FYN: variants seen among roughly 807,000 people sequenced by gnomAD.
FYN encodes the protein FYN proto-oncogene, Src family tyrosine kinase, also known as tyrosine-protein kinase Fyn.
Under a neutral mutation model 70.2 loss-of-function variants are expected in FYN, and 10 were observed. That is an observed-to-expected ratio of 0.14 (90% CI 0.09 to 0.24). The LOEUF (loss-of-function observed/expected upper bound fraction) is 0.24, where lower values mean the gene tolerates loss of function less well. Among genes scored for constraint, FYN ranks in the 10% least tolerant of loss-of-function variants. The pLI, the probability that FYN is intolerant of heterozygous loss-of-function variation, is 1.00. For missense variants in FYN, 319 were observed against 673.1 expected (o/e 0.47, Z 5.82); for synonymous variants, 236 against 248.6 (o/e 0.95, Z 0.48).
chr6:111,704,963 G>A (rs1291181446), intron 6 of FYN, among the ~76,000 whole-genome samples: 1 of 152,126 alleles, frequency 6.6e-6, no homozygotes, highest in Non-Finnish European at 1.5e-5. Context: ...TCAGGAGGCT[G>A]AGGCAGGAGA....
chr6:111,837,232 C>T (rs367782680), intron 2 of FYN, among the ~76,000 whole-genome samples: 33 of 152,130 alleles, frequency 2.2e-4, no homozygotes, highest in African/African-American at 4.3e-4. Context: ...TTGCGGTAAG[C>T]GGCACTTTGA....
chr6:111,762,889 G>A (rs1014750054), intron 3 of FYN, among the ~76,000 whole-genome samples: 2 of 151,954 alleles, frequency 1.3e-5, no homozygotes, highest in South Asian at 2.1e-4. Flanking sequence ...GGCTGGACAC[G>A]GGTGAGAATC....
At chr6:111,776,346 T>C (rs1268248065) in intron 3 of FYN, among the ~76,000 whole-genome samples, 1 of 152,142 alleles carries the variant, frequency 6.6e-6, no homozygotes, top group Non-Finnish European at 1.5e-5. Context: ...TAAAAATATC[T>C]AGTGCCAACA....
intron 2 of FYN, among the ~76,000 whole-genome samples, chr6:111,827,418 C>T (rs1772870145): frequency 6.6e-6 from 1 of 152,156 alleles, no homozygotes. Context: ...TCCCAGTTTA[C>T]TTTCTTCTAG....
chr6:111,775,051 C>T (rs1803653079), intron 3 of FYN, among the ~76,000 whole-genome samples: 1 of 152,146 alleles, frequency 6.6e-6, no homozygotes, highest in African/African-American at 2.4e-5. Flanking sequence ...GCTATGCCTA[C>T]GATACCCTAA....
chr6:111,699,779 T>C (rs1799746437), intron 9 of FYN: 1 of 1,085,936 alleles, frequency 9.2e-7, no homozygotes, highest in Non-Finnish European at 1.3e-6. Flanking sequence ...ACTCAACAAA[T>C]ATTTGCTTTT....
intron 2 of FYN, among the ~76,000 whole-genome samples, chr6:111,837,071 C>T (rs540800372): frequency 6.6e-6 from 1 of 152,270 alleles, no homozygotes; most frequent in Non-Finnish European, 1.5e-5. Context: ...AAAAACACTC[C>T]TGACACTTTA....
chr6:111,690,054 T>C (rs566012870), intron 12 of FYN, among the ~76,000 whole-genome samples: 2 of 152,316 alleles, frequency 1.3e-5, no homozygotes, highest in Non-Finnish European at 2.9e-5. Context: ...AACTAGAGTC[T>C]GCAGAGGATT....
intron 10 of FYN, among the ~76,000 whole-genome samples, 180 bp downstream of exon 10, chr6:111,696,097 C>T (rs544835129): frequency 1.4e-4 from 22 of 152,252 alleles, no homozygotes; most frequent in Admixed American, 3.3e-4. Context: ...GTGGGGTAAA[C>T]GCAAGGTTAG....
intron 3 of FYN, among the ~76,000 whole-genome samples, chr6:111,739,467 G>A (rs1053674403): frequency 5.9e-5 from 9 of 152,262 alleles, no homozygotes; most frequent in Admixed American, 5.9e-4. Flanking sequence ...TGGGGATGCT[G>A]TGGTCCCACT....
intron 13 of FYN, among the ~76,000 whole-genome samples, chr6:111,669,291 C>A (rs953035375): frequency 6.6e-6 from 1 of 151,800 alleles, no homozygotes; most frequent in Admixed American, 6.6e-5. Flanking sequence ...AAAAATTAGC[C>A]GGGCGTGGTG....
At chr6:111,708,322 T>C in intron 5 of FYN, 2 of 317,928 alleles carry the variant, frequency 6.3e-6, no homozygotes, top group Non-Finnish European at 1.2e-5. Context: ...TGTCCTTAAC[T>C]TGGATGGATG....
At chr6:111,812,800 GTCAC>G (rs1039187594) in intron 2 of FYN, among the ~76,000 whole-genome samples, 1 of 151,676 alleles carries the variant, frequency 6.6e-6, no homozygotes, top group Non-Finnish European at 1.5e-5. Flanking sequence ...AAAGGGGTGT[GTCAC>G]TCACCTTCCT....
intron 1 of FYN, among the ~76,000 whole-genome samples, chr6:111,860,643 C>T (rs1159372522): frequency 6.6e-6 from 1 of 152,180 alleles, no homozygotes; most frequent in African/African-American, 2.4e-5. Context: ...GTGCCAATCC[C>T]TCTTGGATCA....
chr6:111,850,293 C>T (rs1773648368), intron 1 of FYN, among the ~76,000 whole-genome samples: 1 of 152,194 alleles, frequency 6.6e-6, no homozygotes, highest in Admixed American at 6.5e-5. Flanking sequence ...ATGGTGTCTT[C>T]TCTATTTCAA....
chr6:111,806,895 A>G (rs1466615535), intron 2 of FYN, among the ~76,000 whole-genome samples: 3 of 151,954 alleles, frequency 2.0e-5, no homozygotes, highest in African/African-American at 7.3e-5. Flanking sequence ...TTCTTATTCA[A>G]TCCTCCCAAC....
rs147569062 is a variant in FYN at position 111,730,326 on chromosome 6, G to A, written c.-11-10264C>T. Among the ~76,000 whole-genome samples the A allele has an allele frequency of 5.5e-3, 839 of 152,314 alleles. 34 individuals carry two copies. The highest frequency in any genetic ancestry group is 0.049 in the Admixed American group (750 of 15,306). ...GGGATAACCGAACCAAAAGCAGGGT[G>A]GCTGGATTAGTGGGGTTTTGAGACC... is the stretch of plus-strand genomic sequence containing the variant. On this transcript the variant is annotated intron_variant, in intron 3 of 13. Coordinates refer to ENST00000354650, the MANE Select transcript of FYN (RefSeq NM_002037.5).
At chr6:111,750,329 T>C (rs1802428068) in intron 3 of FYN, among the ~76,000 whole-genome samples, 1 of 152,136 alleles carries the variant, frequency 6.6e-6, no homozygotes. Context: ...TAAAAGTGGG[T>C]AGCACCTTTC....
Position 111,834,093 on chromosome 6 carries a change from C to T in FYN, c.-82+12496G>A, listed in dbSNP as rs183207535. Reference sequence around the variant, plus strand: ...AAATAAGCAAATGGTAGAAGAAGACCATTTATATATAGTCCCAAGGTAAAT... The same window carrying T: ...AAATAAGCAAATGGTAGAAGAAGACTATTTATATATAGTCCCAAGGTAAAT... On this transcript the variant is annotated intron_variant, in intron 2 of 13. Transcript: ENST00000354650. Among the ~76,000 whole-genome samples, 165 of 152,178 alleles carry T rather than the reference C, an allele frequency of 1.1e-3. 2 individuals carry two copies. The highest frequency in any genetic ancestry group is 3.7e-4 in the Non-Finnish European group (25 of 67,994).
Sources: gnomAD v4.1 joint callset for allele counts (sites outside exome capture counted in the v4.1 genomes callset) on GRCh38, gnomAD v4.1.1 for gene constraint, MANE v1.5 for transcripts, NCBI Gene and HGNC (gene_info 2026-07-23, HGNC 2026-07-21) for gene names.